Variants in MARCHF1 observed in about 807,000 individuals in gnomAD.
MARCHF1 encodes E3 ubiquitin-protein ligase MARCHF1.
Under a neutral mutation model 54.2 loss-of-function variants are expected in MARCHF1, and 40 were observed. The observed-to-expected ratio is 0.74, with a 90% CI of 0.57 to 0.96. The LOEUF is 0.96. Ranked by LOEUF, MARCHF1 falls within the 40% of genes least tolerant of loss-of-function variation. MARCHF1 has a pLI of 0.00. For missense variants in MARCHF1, 586 were observed against 656.5 expected (o/e 0.89, Z 1.17); for synonymous variants, 236 against 236.3 (o/e 1.00, Z 0.01).
chr4:163,627,185 C>A (rs1741902035), intron 5 of MARCHF1, among the ~76,000 whole-genome samples: 1 of 152,090 alleles, frequency 6.6e-6, no homozygotes, highest in South Asian at 2.1e-4. Context: ...TTGGCCTCTG[C>A]TTGAGGCCAA....
intron 9 of MARCHF1, among the ~76,000 whole-genome samples, chr4:163,538,205 G>A (rs866650847): frequency 6.6e-6 from 1 of 152,194 alleles, no homozygotes; most frequent in African/African-American, 2.4e-5. Flanking sequence ...ACTCTTGGGA[G>A]TCTGACTCTG....
At chr4:164,240,791 T>A (rs985294840) in intron 1 of MARCHF1, among the ~76,000 whole-genome samples, 1 of 152,100 alleles carries the variant, frequency 6.6e-6, no homozygotes, top group East Asian at 1.9e-4. Flanking sequence ...GTAGCTATCA[T>A]GACATTCTTT....
At chr4:164,338,916 G>A (rs974379957) in intron 1 of MARCHF1, among the ~76,000 whole-genome samples, 3 of 152,082 alleles carry the variant, frequency 2.0e-5, no homozygotes, top group Non-Finnish European at 4.4e-5. Flanking sequence ...AGATTGCAGT[G>A]AGCCAAGATC....
chr4:163,749,969 T>C (rs932029727), intron 4 of MARCHF1, among the ~76,000 whole-genome samples: 4 of 151,866 alleles, frequency 2.6e-5, no homozygotes, highest in Non-Finnish European at 4.4e-5. Context: ...ATCAGGAGGC[T>C]GAGGCAGAAG....
intron 9 of MARCHF1, among the ~76,000 whole-genome samples, chr4:163,536,900 A>C (rs1017747178): frequency 1.3e-5 from 2 of 152,142 alleles, no homozygotes. Flanking sequence ...AATCTCCCAC[A>C]AAACCCCTCC....
At chr4:163,816,950 AG>A in intron 4 of MARCHF1, among the ~76,000 whole-genome samples, 1 of 152,196 alleles carries the variant, frequency 6.6e-6, no homozygotes, top group Non-Finnish European at 1.5e-5. Flanking sequence ...GAGGAAAATG[AG>A]GTTCAACCTA....
chr4:163,735,670 C>T (rs1033817025), intron 4 of MARCHF1, among the ~76,000 whole-genome samples: 11 of 152,022 alleles, frequency 7.2e-5, no homozygotes, highest in Non-Finnish European at 1.2e-4. Context: ...TCTTATAGAC[C>T]GCACCCCTTA....
At chr4:163,574,225 A>T in intron 8 of MARCHF1, among the ~76,000 whole-genome samples, 1 of 152,122 alleles carries the variant, frequency 6.6e-6, no homozygotes, top group Middle Eastern at 3.2e-3. Context: ...CCTTTGTCAG[A>T]TGATTAGGTT....
At chr4:164,140,400 G>A (rs1238097071) in intron 1 of MARCHF1, among the ~76,000 whole-genome samples, 2 of 151,556 alleles carry the variant, frequency 1.3e-5, no homozygotes, top group Non-Finnish European at 1.5e-5. Flanking sequence ...CAACCAATAG[G>A]CCTCCCAGAT....
intron 5 of MARCHF1, among the ~76,000 whole-genome samples, chr4:163,637,687 A>C (rs1314617135): frequency 2.0e-5 from 3 of 150,986 alleles, no homozygotes; most frequent in Admixed American, 6.6e-5. Flanking sequence ...CAGTGTGGTG[A>C]TTCCTCAGGG....
intron 1 of MARCHF1, among the ~76,000 whole-genome samples, chr4:164,241,828 T>A (rs1004699853): frequency 2.6e-5 from 4 of 151,952 alleles, no homozygotes; most frequent in African/African-American, 9.7e-5. Context: ...GCACAAGAGG[T>A]CAGGGAGTTC....
intron 3 of MARCHF1, among the ~76,000 whole-genome samples, chr4:163,982,957 T>C (rs538981272): frequency 6.6e-6 from 1 of 152,188 alleles, no homozygotes; most frequent in Non-Finnish European, 1.5e-5. Context: ...AGACAGAGTA[T>C]TGTGATACAC....
chr4:164,011,557 C>T (rs898118556), intron 2 of MARCHF1, among the ~76,000 whole-genome samples: 11 of 151,966 alleles, frequency 7.2e-5, no homozygotes, highest in Admixed American at 2.6e-4. Context: ...CAAGTGAGAA[C>T]GAAAATGAGA....
chr4:163,606,186 T>G (rs1217243983), intron 7 of MARCHF1, among the ~76,000 whole-genome samples: 1 of 152,134 alleles, frequency 6.6e-6, no homozygotes, highest in Non-Finnish European at 1.5e-5. Flanking sequence ...GTCTTTGGGC[T>G]CTTCCTCTTT....
intron 4 of MARCHF1, among the ~76,000 whole-genome samples, chr4:163,807,907 G>A (rs1472064815): frequency 1.3e-5 from 2 of 151,860 alleles, no homozygotes; most frequent in Admixed American, 6.6e-5. Flanking sequence ...TATATGTAAA[G>A]GTTTAACACT....
At chr4:163,879,164 A>G (rs978398394) in intron 3 of MARCHF1, among the ~76,000 whole-genome samples, 1 of 152,220 alleles carries the variant, frequency 6.6e-6, no homozygotes, top group African/African-American at 2.4e-5. Flanking sequence ...GATTTTGTGT[A>G]ACTTGCATAC....
At chr4:163,975,005 T>C (rs1472271906) in intron 3 of MARCHF1, among the ~76,000 whole-genome samples, 4 of 152,272 alleles carry the variant, frequency 2.6e-5, no homozygotes, top group Middle Eastern at 3.4e-3. Context: ...TAGGATTTTT[T>C]ATGCCTTTAG....
chr4:163,983,662 C>A (rs1378874598), intron 3 of MARCHF1, among the ~76,000 whole-genome samples: 2 of 152,180 alleles, frequency 1.3e-5, no homozygotes, highest in Non-Finnish European at 2.9e-5. Flanking sequence ...CAATGGCCTG[C>A]ATTTTTGTCC....
intron 2 of MARCHF1, among the ~76,000 whole-genome samples, chr4:164,096,572 A>T (rs888897896): frequency 6.9e-5 from 6 of 86,526 alleles, no homozygotes; most frequent in Non-Finnish European, 1.4e-4. Flanking sequence ...TCTAAAATTA[A>T]AAAAAAAATT....
Sources: allele counts gnomAD v4.1 joint callset (sites outside exome capture counted in the v4.1 genomes callset), GRCh38; gene constraint gnomAD v4.1.1; transcripts MANE v1.5; gene names NCBI Gene and HGNC (gene_info 2026-07-23, HGNC 2026-07-21).